The following SPAG17 variants were observed in gnomAD, a reference collection of about 807,000 sequenced individuals.
The protein encoded by SPAG17 is sperm associated antigen 17, also known as sperm-associated antigen 17.
SPAG17 carries 169 observed loss-of-function variants against 273.6 expected under a neutral mutation model. The ratio of observed to expected loss-of-function variants is 0.62; its 90% confidence interval spans 0.55 to 0.70. The LOEUF (loss-of-function observed/expected upper bound fraction) is 0.70, where lower values mean the gene tolerates loss of function less well. Ranked by LOEUF, SPAG17 falls within the 30% of genes least tolerant of loss-of-function variation. SPAG17 has a pLI of 0.00. For missense variants in SPAG17, 2,557 were observed against 2,627.8 expected, an observed-to-expected ratio of 0.97 and a Z score of 0.59; for synonymous variants, 825 against 873.2, an observed-to-expected ratio of 0.94 and a Z score of 0.97.
At chr1:118,097,960 A>C in intron 6 of SPAG17, 109 bp from the exon 7 acceptor site, 2 of 565,146 alleles carry the variant, frequency 3.5e-6, no homozygotes, top group Non-Finnish European at 2.8e-6. Flanking sequence ...ACAGTACCAG[A>C]AAATGTAAAT....
In SPAG17 at chr1:117,959,452, G is replaced by T. The variant is rs766014753; in HGVS notation, c.*4347C>A. 6.3e-6 allele frequency: 10 copies of T among 1,587,220 alleles called. No homozygotes were observed. In the South Asian group the frequency reaches 1.1e-4, roughly 17 times the overall value. ...TTGATTCTAACGTTGACTTAGAACT[G>T]AAATGTGGTATCTTTTTTTTTTTCA... On this transcript the variant is annotated intron_variant, in intron 48 of 48. Coordinates refer to ENST00000336338, the MANE Select transcript of SPAG17 (RefSeq NM_206996.4).
intron 2 of SPAG17, 115 bp downstream of exon 2, chr1:118,151,114 A>G: frequency 1.2e-6 from 1 of 842,486 alleles, no homozygotes; most frequent in Non-Finnish European, 1.6e-6. Flanking sequence ...ACTTAAAATA[A>G]TCCATCAAAA....
rs759225122 is a variant in SPAG17, at chr1:118,012,378, C to A, written c.4288-6G>T. 1 of 1,612,102 alleles carries A rather than the reference C, an allele frequency of 6.2e-7. No homozygotes were observed. The highest frequency in any genetic ancestry group is 1.7e-5 in the Admixed American group (1 of 59,778). On this transcript the variant is annotated splice_region_variant and splice_polypyrimidine_tract_variant and intron_variant, in intron 29 of 48. Coordinates refer to ENST00000336338, the MANE Select transcript of SPAG17 (RefSeq NM_206996.4). ...TCTTCTCGAGTTGTCATAACCTGAA[C>A]ATGAAGAGGCAGGACATAATCATTT... is the stretch of plus-strand genomic sequence containing the variant.
At chr1:118,178,117 A>G (rs1429909564) in intron 1 of SPAG17, among the ~76,000 whole-genome samples, 3 of 152,170 alleles carry the variant, frequency 2.0e-5, no homozygotes, top group Non-Finnish European at 4.4e-5. Flanking sequence ...ACAACAACGT[A>G]AAAGGCTATA....
At chr1:117,995,735 C>CAT (rs113958878) in intron 34 of SPAG17, among the ~76,000 whole-genome samples, 2,142 of 149,604 alleles carry the variant, frequency 0.014, 57 homozygotes, top group East Asian at 0.073. Context: ...CACACACACA[C>CAT]AAACCTAGGC....
intron 23 of SPAG17, among the ~76,000 whole-genome samples, chr1:118,037,978 C>G (rs1200317771): frequency 6.6e-6 from 1 of 152,032 alleles, no homozygotes; most frequent in Non-Finnish European, 1.5e-5. Context: ...AAAGGTAATG[C>G]TTTAAGAGAA....
chr1:117,991,631 A>G (rs2997483), intron 36 of SPAG17, 103 bp from the exon 37 acceptor site: 1 of 689,816 alleles, frequency 1.4e-6, no homozygotes. Context: ...TGAAGAATAT[A>G]TAGGTTTACA....
chr1:117,968,659 TG>T (rs1654191443), intron 46 of SPAG17, among the ~76,000 whole-genome samples: 1 of 152,216 alleles, frequency 6.6e-6, no homozygotes, highest in African/African-American at 2.4e-5. Flanking sequence ...AACTGCTTGA[TG>T]GCATAGTCGT....
At position 118,032,007 on chromosome 1, in the gene SPAG17, A is replaced by G. The variant is rs113068723; in HGVS notation, c.3434-140T>C. 1.1e-4 allele frequency: 76 copies of G among 676,590 alleles called. No individual in the cohort carries two copies. The African/African-American group carries it at 1.1e-3, about 10-fold the overall frequency. 41.9% of individuals were successfully genotyped at this position (676,590 alleles called of 1,614,324 possible). On this transcript the variant is annotated intron_variant, in intron 24 of 48. Transcript: ENST00000336338. ...TAAATATGATTTATCAGTTGGATAGATTTCAGGAGTAATGAAGTTGGTTTA... is the reference window on the plus strand; with the variant it reads ...TAAATATGATTTATCAGTTGGATAGGTTTCAGGAGTAATGAAGTTGGTTTA...
At chr1:118,008,835 T>G (rs1659176938) in intron 30 of SPAG17, among the ~76,000 whole-genome samples, 1 of 152,220 alleles carries the variant, frequency 6.6e-6, no homozygotes, top group African/African-American at 2.4e-5. Flanking sequence ...TATGTGTGCA[T>G]AGATATATTT....
chr1:118,002,466 T>C (rs953712501), intron 32 of SPAG17, among the ~76,000 whole-genome samples: 1 of 152,150 alleles, frequency 6.6e-6, no homozygotes, highest in Non-Finnish European at 1.5e-5. Context: ...CTAAGTCTCT[T>C]TGTAGGTCTC....
intron 3 of SPAG17, among the ~76,000 whole-genome samples, chr1:118,134,864 C>T (rs1293151972): frequency 1.3e-5 from 2 of 152,160 alleles, no homozygotes; most frequent in Non-Finnish European, 2.9e-5. Context: ...TCCTCTCCTC[C>T]TTCATGACTT....
intron 23 of SPAG17, among the ~76,000 whole-genome samples, chr1:118,037,976 T>C (rs185464369): frequency 2.1e-4 from 32 of 152,286 alleles, no homozygotes; most frequent in African/African-American, 6.7e-4. Flanking sequence ...CAAAAGGTAA[T>C]GCTTTAAGAG....
intron 3 of SPAG17, 103 bp downstream of exon 3, chr1:118,150,440 C>T: frequency 1.8e-6 from 1 of 560,216 alleles, no homozygotes; most frequent in East Asian, 3.3e-5. Context: ...GAGGAGCAGG[C>T]ATTTATTTTC....
At chr1:118,084,512 A>G (rs1250586298) in intron 13 of SPAG17, among the ~76,000 whole-genome samples, 1 of 152,198 alleles carries the variant, frequency 6.6e-6, no homozygotes. Context: ...ACAAAATCCC[A>G]GTGAACTCAG....
chr1:117,965,222 C>T (rs551875083), intron 47 of SPAG17: 10 of 152,300 alleles, frequency 6.6e-5, no homozygotes, highest in African/African-American at 2.4e-4. Flanking sequence ...ATCTCAATAG[C>T]ATCCGTCAAT....
intron 17 of SPAG17, among the ~76,000 whole-genome samples, chr1:118,072,290 G>A (rs540136422): frequency 6.6e-6 from 1 of 152,146 alleles, no homozygotes; most frequent in South Asian, 2.1e-4. Context: ...TTTACTTCCC[G>A]TCTATCTTAA....
chr1:117,978,441 G>A (rs944458991), intron 43 of SPAG17, among the ~76,000 whole-genome samples: 2 of 152,122 alleles, frequency 1.3e-5, no homozygotes, highest in African/African-American at 4.8e-5. Context: ...TTGTGGTCTT[G>A]CACCTTAGGT....
intron 25 of SPAG17, among the ~76,000 whole-genome samples, chr1:118,031,454 C>A (rs532175050): frequency 3.6e-4 from 55 of 152,148 alleles, no homozygotes; most frequent in Non-Finnish European, 7.1e-4. Flanking sequence ...TTTTTCCAAA[C>A]TTAGAATGAA....
Sources: gnomAD v4.1 joint callset for allele counts (sites outside exome capture counted in the v4.1 genomes callset) on GRCh38, gnomAD v4.1.1 for gene constraint, MANE v1.5 for transcripts, NCBI Gene and HGNC (gene_info 2026-07-23, HGNC 2026-07-21) for gene names.